The following KIAA1217 variants were observed in gnomAD, a reference collection of about 807,000 sequenced individuals.
KIAA1217 encodes the protein KIAA1217.
Under a neutral mutation model 163.9 loss-of-function variants are expected in KIAA1217, and 88 were observed. That is an observed-to-expected ratio of 0.54 (90% confidence interval 0.45 to 0.64). The LOEUF is 0.64. Among genes scored for constraint, KIAA1217 ranks in the 30% least tolerant of loss-of-function variants. The pLI is 0.00. For synonymous variants in KIAA1217, 903 were observed against 923.1 expected (o/e 0.98, Z 0.39); for missense variants, 2,372 against 2,475.0 (o/e 0.96, Z 0.88).
At chr10:24,295,071 T>C (rs1168556329) in intron 2 of KIAA1217, among the ~76,000 whole-genome samples, 1 of 152,204 alleles carries the variant, frequency 6.6e-6, no homozygotes, top group Non-Finnish European at 1.5e-5. Flanking sequence ...GTATTGGGCA[T>C]TGAAGTAAGG....
intron 2 of KIAA1217, among the ~76,000 whole-genome samples, chr10:24,095,745 T>C (rs1420597107): frequency 6.6e-6 from 1 of 152,180 alleles, no homozygotes; most frequent in African/African-American, 2.4e-5. Flanking sequence ...AACTCCAGAC[T>C]GACCTATGTT....
intron 1 of KIAA1217, among the ~76,000 whole-genome samples, chr10:23,783,846 C>T (rs1835366542): frequency 6.6e-6 from 1 of 152,000 alleles, no homozygotes; most frequent in African/African-American, 2.4e-5. Context: ...ATTTTCTTGA[C>T]AGGTGATTGT....
At chr10:23,965,756 C>A (rs1034457630) in intron 1 of KIAA1217, among the ~76,000 whole-genome samples, 2 of 152,106 alleles carry the variant, frequency 1.3e-5, no homozygotes, top group Non-Finnish European at 2.9e-5. Context: ...CTGTGGTGAC[C>A]TGGAGTTATA....
At chr10:23,923,687 C>T (rs899074901) in intron 1 of KIAA1217, among the ~76,000 whole-genome samples, 1 of 152,160 alleles carries the variant, frequency 6.6e-6, no homozygotes, top group South Asian at 2.1e-4. Context: ...ATGGTTTCTC[C>T]CCCTGGAGCT....
At chr10:23,994,839 T>G (rs1654540857) in intron 1 of KIAA1217, among the ~76,000 whole-genome samples, 1 of 152,222 alleles carries the variant, frequency 6.6e-6, no homozygotes, top group Non-Finnish European at 1.5e-5. Context: ...GGTTGGATTT[T>G]CTCTTCATAA....
intron 2 of KIAA1217, among the ~76,000 whole-genome samples, chr10:24,376,139 C>G (rs1445391961): frequency 6.6e-6 from 1 of 152,202 alleles, no homozygotes; most frequent in Non-Finnish European, 1.5e-5. Flanking sequence ...AAAATTAATG[C>G]TGTTCAACTA....
intron 11 of KIAA1217, among the ~76,000 whole-genome samples, chr10:24,520,651 A>AAATATAT (rs1554926857): frequency 2.3e-4 from 9 of 39,662 alleles, no homozygotes; most frequent in Non-Finnish European, 3.9e-4. Flanking sequence ...AAAAAAAAAA[A>AAATATAT]ATATATATAT....
intron 1 of KIAA1217, among the ~76,000 whole-genome samples, chr10:23,844,589 A>G (rs1257425211): frequency 6.6e-6 from 1 of 152,096 alleles, no homozygotes; most frequent in Non-Finnish European, 1.5e-5. Context: ...ATTTCAAGAT[A>G]CCATATTCTC....
At chr10:24,419,479 A>C (rs2058555935) in intron 3 of KIAA1217, among the ~76,000 whole-genome samples, 1 of 152,188 alleles carries the variant, frequency 6.6e-6, no homozygotes, top group African/African-American at 2.4e-5. Flanking sequence ...ACAATTAGCT[A>C]GGTAAGTCAC....
chr10:23,813,949 G>A (rs895262072), intron 1 of KIAA1217, among the ~76,000 whole-genome samples: 2 of 152,140 alleles, frequency 1.3e-5, no homozygotes, highest in African/African-American at 4.8e-5. Context: ...TTAATGCTGA[G>A]CCCGTAGCTG....
intron 14 of KIAA1217, 63 bp downstream of exon 14, chr10:24,528,182 A>T (rs2072492768): frequency 7.3e-7 from 1 of 1,363,340 alleles, no homozygotes; most frequent in Admixed American, 2.0e-5. Flanking sequence ...ATACAGTGCC[A>T]TCCACGACAG....
intron 2 of KIAA1217, among the ~76,000 whole-genome samples, chr10:24,242,442 C>T (rs1490458092): frequency 2.6e-5 from 4 of 152,170 alleles, no homozygotes; most frequent in Non-Finnish European, 5.9e-5. Flanking sequence ...TTTTTTATGG[C>T]TTTATAGAAT....
chr10:23,818,112 T>C (rs28586882), intron 1 of KIAA1217, among the ~76,000 whole-genome samples: 77 of 137,624 alleles, frequency 5.6e-4, no homozygotes, highest in African/African-American at 1.3e-3. Flanking sequence ...CACACACACA[T>C]ATATATATAT....
chr10:24,094,453 A>G (rs1476710098), intron 2 of KIAA1217, among the ~76,000 whole-genome samples: 2 of 152,236 alleles, frequency 1.3e-5, no homozygotes, highest in African/African-American at 4.8e-5. Flanking sequence ...TCTAACAGAC[A>G]GGACCCTCAG....
intron 1 of KIAA1217, among the ~76,000 whole-genome samples, chr10:23,941,001 T>A (rs995692578): frequency 6.6e-6 from 1 of 152,198 alleles, no homozygotes; most frequent in Non-Finnish European, 1.5e-5. Flanking sequence ...TCTTCCAAGT[T>A]TCTTGATAGA....
intron 5 of KIAA1217, among the ~76,000 whole-genome samples, chr10:24,442,989 C>T (rs2060625714): frequency 6.7e-6 from 1 of 148,452 alleles, no homozygotes; most frequent in African/African-American, 2.5e-5. Flanking sequence ...CGGCTCATTG[C>T]AACCTCTGCC....
chr10:24,504,125 C>G (rs1250753273), intron 9 of KIAA1217, among the ~76,000 whole-genome samples: 5 of 152,158 alleles, frequency 3.3e-5, no homozygotes, highest in Non-Finnish European at 7.3e-5. Context: ...ACTTGTCTCG[C>G]CTTGCAACCC....
chr10:24,501,391 T>G lies in KIAA1217; in HGVS notation c.1847T>G (p.Val616Gly). The change falls in exon 9 of 21, where the codon GTG (valine) becomes GGG (glycine). Residue 616 changes from valine to glycine, a missense_variant. Physicochemically the swap from Val to Gly is moderately radical, Grantham distance 109. This residue lies in a region of KIAA1217 where 1,431 missense variants were observed against 1,470.3 expected (regional missense o/e 0.97). Transcript: ENST00000376454. ...ACTTTTCTCATAGGAACGCCCCATG[T>G]GTCTGGTGGGAAGATGCTCAGTGCT... ...NHTDSAGTPHVSGGKMLSALE... is the reference protein window; with the variant it reads ...NHTDSAGTPHGSGGKMLSALE... 1 of 1,609,520 alleles carries G rather than the reference T, an allele frequency of 6.2e-7. No individual in the cohort carries two copies. The highest frequency in any genetic ancestry group is 8.5e-7 in the Non-Finnish European group (1 of 1,176,430).
chr10:24,190,454 C>T (rs1313758428), intron 2 of KIAA1217, among the ~76,000 whole-genome samples: 1 of 152,196 alleles, frequency 6.6e-6, no homozygotes, highest in African/African-American at 2.4e-5. Context: ...AGGCGCTGAA[C>T]CCAAGCCTCC....
Sources: allele counts gnomAD v4.1 joint callset (sites outside exome capture counted in the v4.1 genomes callset), GRCh38; gene constraint gnomAD v4.1.1; regional missense constraint gnomAD v4.1.1; transcripts MANE v1.5; gene names NCBI Gene and HGNC (gene_info 2026-07-23, HGNC 2026-07-21).